Variants in ARHGAP44 observed in about 807,000 individuals in gnomAD.
ARHGAP44 encodes the protein Rho GTPase activating protein 44, also known as rho GTPase-activating protein 44.
Under a neutral mutation model 106.8 loss-of-function variants are expected in ARHGAP44, and 43 were observed. The observed-to-expected ratio is 0.40, with a 90% CI of 0.32 to 0.52. The LOEUF (loss-of-function observed/expected upper bound fraction) is 0.52, where lower values mean the gene tolerates loss of function less well. Ranked by LOEUF, ARHGAP44 falls within the 20% of genes least tolerant of loss-of-function variation. The probability of loss-of-function intolerance (pLI) is 0.48; values close to 1 mark genes in which losing one functional copy is unlikely to be tolerated. For missense variants in ARHGAP44, 866 were observed against 1,050.5 expected, an observed-to-expected ratio of 0.82 and a Z score of 2.43; for synonymous variants, 439 against 410.3, an observed-to-expected ratio of 1.07 and a Z score of -0.85.
chr17:12,805,119 T>A (rs926886417), intron 1 of ARHGAP44, among the ~76,000 whole-genome samples: 2 of 152,066 alleles, frequency 1.3e-5, no homozygotes, highest in African/African-American at 4.8e-5. Context: ...TAGTGGGGGG[T>A]TGGAAGAGGA....
Position 12,943,677 on chromosome 17 carries a change from C to G in ARHGAP44, c.733+8C>G. ...AGATCAAAGCACAACAGGGTAAGTGCAGGCCTTCCCTGGAGAAGGGAGGGC... is the reference window on the plus strand; with the variant it reads ...AGATCAAAGCACAACAGGGTAAGTGGAGGCCTTCCCTGGAGAAGGGAGGGC... On this transcript the variant is annotated splice_region_variant and intron_variant, in intron 9 of 20. Coordinates refer to ENST00000379672, the MANE Select transcript of ARHGAP44 (RefSeq NM_014859.6). 1.9e-6 allele frequency: 3 copies of G among 1,613,190 alleles called. No homozygotes were observed. The highest frequency in any genetic ancestry group is 2.5e-6 in the Non-Finnish European group (3 of 1,179,630).
chr17:12,820,800 T>G (rs984139514), intron 1 of ARHGAP44, among the ~76,000 whole-genome samples: 7 of 152,114 alleles, frequency 4.6e-5, no homozygotes, highest in African/African-American at 1.7e-4. Flanking sequence ...CCAGTGTGAT[T>G]TTATGTTATT....
chr17:12,899,908 C>T (rs1235850647), intron 3 of ARHGAP44, among the ~76,000 whole-genome samples: 1 of 152,194 alleles, frequency 6.6e-6, no homozygotes, highest in East Asian at 1.9e-4. Context: ...TGTGTTCCAA[C>T]TCCTGAACTT....
chr17:12,817,910 G>A (rs2034643129), intron 1 of ARHGAP44, among the ~76,000 whole-genome samples: 2 of 151,898 alleles, frequency 1.3e-5, no homozygotes, highest in Non-Finnish European at 2.9e-5. Context: ...CTGGGACCAG[G>A]TATTTTCACT....
intron 1 of ARHGAP44, among the ~76,000 whole-genome samples, chr17:12,809,494 T>G (rs1469461623): frequency 6.6e-6 from 1 of 152,142 alleles, no homozygotes; most frequent in Non-Finnish European, 1.5e-5. Flanking sequence ...GAACTCCCCT[T>G]TATAAAATAA....
intron 13 of ARHGAP44, 27 bp downstream of exon 13, chr17:12,952,608 C>A (rs151019344): frequency 7.2e-6 from 11 of 1,524,328 alleles, no homozygotes; most frequent in Middle Eastern, 1.7e-4. Context: ...CAAGTATAGA[C>A]ACATGGCTTG....
At chr17:12,884,893 TTTTG>T (rs200942628) in intron 1 of ARHGAP44, among the ~76,000 whole-genome samples, 8 of 152,160 alleles carry the variant, frequency 5.3e-5, no homozygotes, top group East Asian at 1.9e-4. Flanking sequence ...GCTAAGCATT[TTTTG>T]TTTGTTTGTT....
chr17:12,976,407 G>A lies in ARHGAP44; in HGVS notation c.1763+2097G>A, dbSNP rs371001387. Among the ~76,000 whole-genome samples, 180 of 152,106 alleles carry A rather than the reference G, an allele frequency of 1.2e-3. 6 individuals carry two copies. The South Asian group carries it at 0.034, about 29-fold the overall frequency. On this transcript the variant is annotated intron_variant, in intron 18 of 20. Coordinates refer to ENST00000379672, the MANE Select transcript of ARHGAP44 (RefSeq NM_014859.6). ...GCGGGCGGATCACCTGAGGTCAGGA[G>A]CTCGTGACCAGCCTGGCCAACATGG...
At chr17:12,931,167 G>A (rs1042730562) in intron 7 of ARHGAP44, among the ~76,000 whole-genome samples, 1 of 152,064 alleles carries the variant, frequency 6.6e-6, no homozygotes, top group African/African-American at 2.4e-5. Flanking sequence ...TGCCTCCTGG[G>A]TTCAAGCAAT....
chr17:12,811,304 C>T (rs2034433387), intron 1 of ARHGAP44, among the ~76,000 whole-genome samples: 1 of 142,820 alleles, frequency 7.0e-6, no homozygotes, highest in Admixed American at 6.9e-5. Context: ...CAGAGTGAGA[C>T]TCCTTCTCAA....
rs757585682 is a variant in ARHGAP44 at position 12,978,035 on chromosome 17, T to TAAAAAAAAAAAAAAAAAAAAAAAAAAAAA, written c.1764-2023_1764-2022insAAAAAAAAAAAAAAAAAAAAAAAAAAAAA. On this transcript the variant is annotated intron_variant, in intron 18 of 20. Coordinates refer to ENST00000379672, the MANE Select transcript of ARHGAP44 (RefSeq NM_014859.6). ...CTGGGCAACAGAGCAAGACTCCATC[T>TAAAAAAAAAAAAAAAAAAAAAAAAAAAAA]CAAAAAAAAAAAAAAAAAAAAGTGT... Among the ~76,000 whole-genome samples the TAAAAAAAAAAAAAAAAAAAAAAAAAAAAA allele has an allele frequency of 2.2e-3, 123 of 55,488 alleles. 24 individuals carry two copies. The highest frequency in any genetic ancestry group is 5.3e-3 in the African/African-American group (57 of 10,700). 36.4% of individuals were successfully genotyped at this position (55,488 alleles called of 152,430 possible). A position where few individuals can be genotyped will look rare whatever the true frequency, so the allele number is the denominator to read the frequency against.
chr17:12,951,813 G>T (rs924443718), intron 12 of ARHGAP44, among the ~76,000 whole-genome samples: 1 of 152,192 alleles, frequency 6.6e-6, no homozygotes, highest in African/African-American at 2.4e-5. Flanking sequence ...GCTTTTTAAA[G>T]ATACTAATGC....
chr17:12,859,544 G>T (rs556903786), intron 1 of ARHGAP44, among the ~76,000 whole-genome samples: 4 of 152,136 alleles, frequency 2.6e-5, no homozygotes, highest in African/African-American at 9.7e-5. Flanking sequence ...TTGGTTTGGC[G>T]CTGGGGCCTA....
chr17:12,925,392 G>T (rs900386589), intron 6 of ARHGAP44, among the ~76,000 whole-genome samples: 2 of 152,162 alleles, frequency 1.3e-5, no homozygotes, highest in Admixed American at 1.3e-4. Flanking sequence ...GTGGAAGCAG[G>T]AACTTAAAAA....
chr17:12,971,523 T>A (rs115901676), intron 16 of ARHGAP44, among the ~76,000 whole-genome samples: 1 of 152,144 alleles, frequency 6.6e-6, no homozygotes, highest in Non-Finnish European at 1.5e-5. Flanking sequence ...CTAAGAGGAA[T>A]GTTAAGCTCT....
intron 1 of ARHGAP44, among the ~76,000 whole-genome samples, chr17:12,804,792 T>C (rs1251023960): frequency 6.6e-6 from 1 of 152,220 alleles, no homozygotes; most frequent in African/African-American, 2.4e-5. Flanking sequence ...ATTCTAGTTA[T>C]ACTTCTGCAC....
In ARHGAP44 at chr17:12,908,902, G is replaced by A. The variant is rs2037640607; in HGVS notation, c.204G>A (p.Lys68=). The change falls in exon 4 of 21, where the codon AAG becomes AAA. Residue 68 remains lysine (K), a synonymous_variant. Transcript: ENST00000379672. ...QGAEADKRSK[K]LPLTTLAQCL... ...AGCATTTGCTTTCTTTTCAGAAAAA[G>A]TTGCCTTTGACAACACTGGCTCAGT... The A allele has an allele frequency of 2.5e-6, 4 of 1,603,998 alleles. No individual in the cohort carries two copies. Among genetic ancestry groups the A allele is most frequent in the East Asian group, 4.5e-5 (2 of 44,418 alleles).
chr17:12,984,357 T>G, intron 19 of ARHGAP44, 174 bp from the exon 20 acceptor site: 1 of 509,566 alleles, frequency 2.0e-6, no homozygotes, highest in Non-Finnish European at 3.1e-6. Context: ...AAAATTGTAT[T>G]GGCTGCTGTC....
intron 1 of ARHGAP44, among the ~76,000 whole-genome samples, chr17:12,830,919 A>T (rs2035068696): frequency 6.6e-6 from 1 of 152,204 alleles, no homozygotes; most frequent in African/African-American, 2.4e-5. Flanking sequence ...ACATTATCCC[A>T]TATATCAAAG....
Sources: allele counts gnomAD v4.1 joint callset (sites outside exome capture counted in the v4.1 genomes callset), GRCh38; gene constraint gnomAD v4.1.1; transcripts MANE v1.5; gene names NCBI Gene and HGNC (gene_info 2026-07-23, HGNC 2026-07-21).